Variants in HIVEP3 observed in about 807,000 individuals in gnomAD.
HIVEP3 encodes transcription factor HIVEP3.
In HIVEP3, 49 loss-of-function variants were observed where a neutral mutation model predicts 152.8. That is an observed-to-expected ratio of 0.32 (90% confidence interval 0.26 to 0.41). The LOEUF (loss-of-function observed/expected upper bound fraction) is 0.41, where lower values mean the gene tolerates loss of function less well. HIVEP3 is among the 10% of genes least tolerant of loss of function. The probability of loss-of-function intolerance (pLI) is 1.00; values close to 1 mark genes in which losing one functional copy is unlikely to be tolerated. For synonymous variants in HIVEP3, 1,269 were observed against 1,289.0 expected (o/e 0.98, Z 0.33); for missense variants, 2,790 against 3,103.3 (o/e 0.90, Z 2.40).
chr1:42,033,502 T>C (rs774655582), intron 1 of HIVEP3, among the ~76,000 whole-genome samples: 19 of 152,102 alleles, frequency 1.2e-4, no homozygotes, highest in Non-Finnish European at 2.1e-4. Context: ...CCTGGTCTTA[T>C]GCTGTGCCTT....
intron 2 of HIVEP3, among the ~76,000 whole-genome samples, chr1:41,629,296 C>T (rs1362216048): frequency 6.6e-6 from 1 of 152,184 alleles, no homozygotes; most frequent in Non-Finnish European, 1.5e-5. Context: ...ATTATCAAGA[C>T]CTGGCCTGGT....
At chr1:41,907,048 A>G (rs1207477875) in intron 1 of HIVEP3, among the ~76,000 whole-genome samples, 2 of 152,070 alleles carry the variant, frequency 1.3e-5, no homozygotes, top group Non-Finnish European at 2.9e-5. Flanking sequence ...CCAGCCAGTG[A>G]CCCACAGAGA....
At chr1:41,649,301 T>C (rs1645509515) in intron 2 of HIVEP3, among the ~76,000 whole-genome samples, 1 of 152,202 alleles carries the variant, frequency 6.6e-6, no homozygotes. Flanking sequence ...ATCCTCTGGG[T>C]TGCAGAATCC....
chr1:41,800,471 G>C (rs377406748), intron 1 of HIVEP3, among the ~76,000 whole-genome samples: 1 of 152,242 alleles, frequency 6.6e-6, no homozygotes, highest in Non-Finnish European at 1.5e-5. Context: ...CAGGCCCCTC[G>C]ATGTGAGGGA....
intron 1 of HIVEP3, among the ~76,000 whole-genome samples, chr1:41,819,900 T>C (rs143557625): frequency 3.2e-4 from 48 of 152,340 alleles, no homozygotes; most frequent in African/African-American, 1.1e-3. Flanking sequence ...GCAAATGTGC[T>C]ATAGTCAAGA....
chr1:41,776,194 T>C (rs1171187849), intron 1 of HIVEP3, among the ~76,000 whole-genome samples: 1 of 152,254 alleles, frequency 6.6e-6, no homozygotes, highest in Admixed American at 6.5e-5. Flanking sequence ...GAAAATCTTG[T>C]GGACCCTAGA....
chr1:42,027,068 A>T (rs1042099325), intron 1 of HIVEP3, among the ~76,000 whole-genome samples: 5 of 152,150 alleles, frequency 3.3e-5, no homozygotes, highest in Non-Finnish European at 5.9e-5. Flanking sequence ...AGAGTTTTCA[A>T]GGTTCTGTTG....
intron 1 of HIVEP3, among the ~76,000 whole-genome samples, chr1:41,843,232 T>C (rs181586197): frequency 3.4e-4 from 52 of 152,346 alleles, no homozygotes; most frequent in South Asian, 8.3e-4. Context: ...GTTAAAGTGA[T>C]AATTAGCGAT....
intron 1 of HIVEP3, among the ~76,000 whole-genome samples, chr1:41,805,062 C>T (rs763063108): frequency 7.9e-5 from 12 of 152,326 alleles, no homozygotes; most frequent in Middle Eastern, 3.4e-3. Flanking sequence ...AATGGCCGGG[C>T]GCGGTGGCTC....
chr1:41,909,333 T>G (rs1644761717), intron 1 of HIVEP3, among the ~76,000 whole-genome samples: 1 of 152,146 alleles, frequency 6.6e-6, no homozygotes, highest in South Asian at 2.1e-4. Context: ...TTGGTAGACC[T>G]ACATTAATAT....
intron 2 of HIVEP3, among the ~76,000 whole-genome samples, chr1:41,669,139 C>G (rs1348150861): frequency 6.6e-6 from 1 of 152,188 alleles, no homozygotes; most frequent in Non-Finnish European, 1.5e-5. Context: ...GCTCCTCAAA[C>G]CCACCCTGAA....
intron 1 of HIVEP3, among the ~76,000 whole-genome samples, chr1:41,908,644 G>A (rs1479536624): frequency 6.6e-6 from 1 of 152,182 alleles, no homozygotes; most frequent in African/African-American, 2.4e-5. Context: ...CTGAACGATA[G>A]TGGATTCAAT....
intron 5 of HIVEP3, among the ~76,000 whole-genome samples, chr1:41,547,749 T>C (rs979679925): frequency 6.6e-6 from 1 of 152,222 alleles, no homozygotes; most frequent in Non-Finnish European, 1.5e-5. Context: ...ATAATTTTCA[T>C]GTATTCATTG....
intron 2 of HIVEP3, among the ~76,000 whole-genome samples, chr1:41,682,846 C>A (rs531277421): frequency 6.6e-6 from 1 of 152,276 alleles, no homozygotes; most frequent in Admixed American, 6.5e-5. Context: ...GGGACTTAGT[C>A]CTGGTGCTCA....
chr1:41,684,500 T>C (rs1018431157), intron 2 of HIVEP3, among the ~76,000 whole-genome samples: 1 of 152,224 alleles, frequency 6.6e-6, no homozygotes. Context: ...AGACCTGGCA[T>C]CTGGCTGAAC....
chr1:41,680,469 A>C (rs74071919), intron 2 of HIVEP3, among the ~76,000 whole-genome samples: 5,257 of 152,254 alleles, frequency 0.035, 133 homozygotes, highest in African/African-American at 0.069. Context: ...CTAGGTGGGG[A>C]TCAGCCTATA....
chr1:41,697,732 G>T (rs912687919), intron 2 of HIVEP3, among the ~76,000 whole-genome samples: 1 of 152,186 alleles, frequency 6.6e-6, no homozygotes, highest in African/African-American at 2.4e-5. Flanking sequence ...CTGCATGAGT[G>T]CCATCTCTAT....
At chr1:41,568,830 T>C (rs1644208733) in intron 5 of HIVEP3, among the ~76,000 whole-genome samples, 3 of 152,222 alleles carry the variant, frequency 2.0e-5, no homozygotes, top group African/African-American at 7.2e-5. Context: ...CTGATATGGT[T>C]TGGATCTGTG....
chr1:41,516,867 C>T (rs1253009761), intron 7 of HIVEP3, among the ~76,000 whole-genome samples: 3 of 152,270 alleles, frequency 2.0e-5, no homozygotes, highest in Non-Finnish European at 4.4e-5. Context: ...CAGCGGCCCT[C>T]CCCACGGGCC....
Sources: allele counts gnomAD v4.1 joint callset (sites outside exome capture counted in the v4.1 genomes callset), GRCh38; gene constraint gnomAD v4.1.1; transcripts MANE v1.5; gene names NCBI Gene and HGNC (gene_info 2026-07-23, HGNC 2026-07-21).